GFPT2: variants seen among roughly 807,000 people sequenced by gnomAD.
GFPT2 encodes the protein glutamine--fructose-6-phosphate transaminase 2.
A neutral mutation model predicts 85.6 loss-of-function variants in GFPT2; 62 were observed. The observed-to-expected ratio is 0.72, with a 90% CI of 0.59 to 0.90. GFPT2 has a LOEUF of 0.90. GFPT2 is among the 40% of genes least tolerant of loss of function. GFPT2 has a pLI of 0.00. For synonymous variants in GFPT2, 368 were observed against 344.5 expected (o/e 1.07, Z -0.75); for missense variants, 788 against 893.4 (o/e 0.88, Z 1.50).
chr5:180,329,899 G>C (rs140007843), intron 6 of GFPT2, among the ~76,000 whole-genome samples: 2 of 152,316 alleles, frequency 1.3e-5, no homozygotes, highest in East Asian at 3.9e-4. Flanking sequence ...AATACGCCCA[G>C]TGTGTGCTCC....
chr5:180,347,968 CAGCCCTCA>C (rs1764641308), intron 1 of GFPT2, among the ~76,000 whole-genome samples: 1 of 152,098 alleles, frequency 6.6e-6, no homozygotes, highest in Non-Finnish European at 1.5e-5. Context: ...AACGAAAGCC[CAGCCCTCA>C]CTCTGAGTGA....
intron 16 of GFPT2, among the ~76,000 whole-genome samples, chr5:180,305,223 A>G (rs1263189999): frequency 6.6e-6 from 1 of 152,148 alleles, no homozygotes; most frequent in Non-Finnish European, 1.5e-5. Flanking sequence ...AGTCCCACGC[A>G]CAGCCACCCC....
chr5:180,337,255 C>T (rs192240067), intron 2 of GFPT2, among the ~76,000 whole-genome samples: 50 of 152,210 alleles, frequency 3.3e-4, no homozygotes, highest in African/African-American at 1.1e-3. Flanking sequence ...GAGATTGAGA[C>T]CATCCTGGTC....
chr5:180,340,704 T>C (rs1196971146), intron 1 of GFPT2, among the ~76,000 whole-genome samples: 5 of 150,752 alleles, frequency 3.3e-5, no homozygotes, highest in East Asian at 2.0e-4. Flanking sequence ...TTAGTAGAGA[T>C]GGGGTTTCAC....
Position 180,302,598 on chromosome 5 carries a change from A to G in GFPT2, c.1843-14T>C. The G allele has an allele frequency of 6.2e-7, 1 of 1,601,662 alleles. No individual in the cohort carries two copies. The highest frequency in any genetic ancestry group is 8.5e-7 in the Non-Finnish European group (1 of 1,170,380). On this transcript the variant is annotated splice_polypyrimidine_tract_variant and intron_variant, in intron 17 of 18. Transcript: ENST00000253778. ...AATGGGGCGACCCTAGAGCAGAGAA[A>G]TAGCATCATAAAATAGACCCTCTCT...
intron 1 of GFPT2, chr5:180,352,520 G>A (rs895123245): frequency 2.2e-6 from 1 of 445,562 alleles, no homozygotes; most frequent in Admixed American, 2.4e-5. Context: ...AGCGCCGCGG[G>A]AATCGGACGC....
chr5:180,327,923 T>C (rs1204610926), intron 7 of GFPT2, among the ~76,000 whole-genome samples: 3 of 152,198 alleles, frequency 2.0e-5, no homozygotes, highest in Non-Finnish European at 4.4e-5. Context: ...ATTTTGCTTT[T>C]TCTTAAAGGG....
chr5:180,326,071 T>A (rs1426974712), intron 7 of GFPT2, among the ~76,000 whole-genome samples: 1 of 152,182 alleles, frequency 6.6e-6, no homozygotes, highest in Non-Finnish European at 1.5e-5. Context: ...ATGATTTAAA[T>A]GATATCCTGA....
At chr5:180,351,162 T>A (rs554619243) in intron 1 of GFPT2, among the ~76,000 whole-genome samples, 2 of 152,194 alleles carry the variant, frequency 1.3e-5, no homozygotes, top group Admixed American at 1.3e-4. Flanking sequence ...AAAAGGAAAA[T>A]CAGTATCACT....
intron 7 of GFPT2, among the ~76,000 whole-genome samples, chr5:180,327,710 G>A (rs967740708): frequency 3.3e-5 from 5 of 152,186 alleles, no homozygotes; most frequent in Non-Finnish European, 7.3e-5. Flanking sequence ...ATATAAACAG[G>A]ATGGCACTTA....
Position 180,353,274 on chromosome 5 carries a change from G to GGGGCTCCTCCGA in GFPT2, c.-58_-57insTCGGAGGAGCCC. The GGGGCTCCTCCGA allele has an allele frequency of 8.1e-7, 1 of 1,231,716 alleles. No individual in the cohort carries two copies. The highest frequency in any genetic ancestry group is 4.1e-5 in the South Asian group (1 of 24,196). The allele number at this position is 1,231,716 out of a possible 1,614,324, so 76.3% of individuals were successfully genotyped here. A position where few individuals can be genotyped will look rare whatever the true frequency, so the allele number is the denominator to read the frequency against. On this transcript the variant is annotated 5_prime_UTR_variant, in exon 1 of 19. Transcript: ENST00000253778. ...GAGGGGGTCTGCCCGTTCGGACGCT[G>GGGGCTCCTCCGA]GGGCTCCTCCGTGGGCTCCTCCGTG...
chr5:180,340,190 T>C (rs117432100), intron 1 of GFPT2, among the ~76,000 whole-genome samples: 1 of 152,024 alleles, frequency 6.6e-6, no homozygotes, highest in South Asian at 2.1e-4. Flanking sequence ...GGAGGTTTTT[T>C]TTTTTGTTTT....
chr5:180,307,147 G>T, intron 16 of GFPT2, 29 bp downstream of exon 16: 1 of 952,238 alleles, frequency 1.1e-6, no homozygotes. Context: ...TGTCCTCCGT[G>T]GGGGTGGGGG....
In GFPT2 at chr5:180,338,576, C is replaced by A. The variant is rs1334905078; in HGVS notation, c.32G>T (p.Arg11Ile). Residue 11 changes from arginine to isoleucine, a missense_variant, in exon 2 of 19, where the codon AGA becomes ATA. Arg to Ile is a moderately conservative substitution (Grantham distance 97). Coordinates refer to ENST00000253778, the MANE Select transcript of GFPT2 (RefSeq NM_005110.4). ...GATCTCCTTCCTCGTCCGGGGGACTCTGTAGTTCATGTAGGCAAAGATTCC... is the reference window on the plus strand; with the variant it reads ...GATCTCCTTCCTCGTCCGGGGGACTATGTAGTTCATGTAGGCAAAGATTCC... Reference protein sequence around the residue: MCGIFAYMNYRVPRTRKEIFE... With the variant: MCGIFAYMNYIVPRTRKEIFE... 2 of 1,607,348 alleles carry A rather than the reference C, an allele frequency of 1.2e-6. No homozygotes were observed. The highest frequency in any genetic ancestry group is 1.1e-5 in the South Asian group (1 of 90,848).
rs537649434 is a variant in GFPT2 at position 180,342,858 on chromosome 5, C to T, written c.8-4258G>A. Among the ~76,000 whole-genome samples the T allele has an allele frequency of 2.6e-5, 4 of 151,612 alleles. No individual in the cohort carries two copies. In the South Asian group the frequency reaches 8.3e-4, roughly 32 times the overall value. On this transcript the variant is annotated intron_variant, in intron 1 of 18. Transcript: ENST00000253778. ...CAGAGGTTGCAGTGAGCTGAGATCACGCCACTGCACTCCAGCTTGGGTGAC... is the reference window on the plus strand; with the variant it reads ...CAGAGGTTGCAGTGAGCTGAGATCATGCCACTGCACTCCAGCTTGGGTGAC...
chr5:180,353,247 T>C lies in GFPT2; in HGVS notation c.-30A>G. The C allele has an allele frequency of 8.1e-7, 1 of 1,240,722 alleles. No individual in the cohort carries two copies. The highest frequency in any genetic ancestry group is 1.0e-6 in the Non-Finnish European group (1 of 988,152). The allele number at this position is 1,240,722 out of a possible 1,614,324, so 76.9% of individuals were successfully genotyped here. A position where few individuals can be genotyped will look rare whatever the true frequency, so the allele number is the denominator to read the frequency against. On this transcript the variant is annotated 5_prime_UTR_variant, in exon 1 of 19. Transcript: ENST00000253778. The stretch of plus-strand genomic sequence containing the variant: ...GCTGCTTCTCGGGCTCCTTCGCGGC[T>C]CGAGGGGGTCTGCCCGTTCGGACGC...
Position 180,340,848 on chromosome 5 carries a change from G to C in GFPT2, c.8-2248C>G, listed in dbSNP as rs574632091. On this transcript the variant is annotated intron_variant, in intron 1 of 18. Transcript: ENST00000253778. Reference sequence around the variant, plus strand: ...TTAAATAAGGGCACTCATCCCATTCGTGAGGCCCATGTCCCTATGACCTAA... The same window carrying C: ...TTAAATAAGGGCACTCATCCCATTCCTGAGGCCCATGTCCCTATGACCTAA... Among the ~76,000 whole-genome samples, 104 of 152,194 alleles carry C rather than the reference G, an allele frequency of 6.8e-4. No homozygotes were observed. In the Middle Eastern group the frequency reaches 0.01, roughly 15 times the overall value.
Position 180,331,497 on chromosome 5 carries a change from G to C in GFPT2, c.397C>G (p.Leu133Val), listed in dbSNP as rs776214037. The stretch of plus-strand genomic sequence containing the variant: ...ATCACCTAGGGGAAGCATCTTACCA[G>C]AAATTTCCTCAGATCTTTGTAATTT... ...ITNYKDLRKF[L>V]ESKGYEFESE... The change falls in exon 5 of 19, where the codon CTG becomes GTG. Residue 133 changes from leucine (L) to valine (V), a missense_variant and splice_region_variant. Leu to Val is a conservative substitution (Grantham distance 32). Transcript: ENST00000253778. 4 of 1,572,784 alleles carry C rather than the reference G, an allele frequency of 2.5e-6. No individual in the cohort carries two copies. The East Asian group carries it at 8.9e-5, about 35-fold the overall frequency.
intron 7 of GFPT2, among the ~76,000 whole-genome samples, chr5:180,327,269 G>C (rs557665476): frequency 6.6e-6 from 1 of 152,284 alleles, no homozygotes; most frequent in Non-Finnish European, 1.5e-5. Flanking sequence ...TGAGGCCCTG[G>C]AGCAGTGTCC....
Sources: allele counts gnomAD v4.1 joint callset (sites outside exome capture counted in the v4.1 genomes callset), GRCh38; gene constraint gnomAD v4.1.1; transcripts MANE v1.5; gene names NCBI Gene and HGNC (gene_info 2026-07-23, HGNC 2026-07-21).